FAT3: variants seen among roughly 807,000 people sequenced by gnomAD.
The protein encoded by FAT3 is protocadherin Fat 3.
Under a neutral mutation model 310.2 loss-of-function variants are expected in FAT3, and 95 were observed. The observed-to-expected ratio is 0.31, with a 90% CI of 0.26 to 0.36. The LOEUF (loss-of-function observed/expected upper bound fraction) is 0.36, where lower values mean the gene tolerates loss of function less well. FAT3 is among the 10% of genes least tolerant of loss of function. The pLI is 1.00. For missense variants in FAT3, 5,408 were observed against 5,715.6 expected, an observed-to-expected ratio of 0.95 and a Z score of 1.74; for synonymous variants, 2,314 against 2,192.9, an observed-to-expected ratio of 1.06 and a Z score of -1.54.
At chr11:92,257,741 T>C (rs1377915747) in intron 1 of FAT3, among the ~76,000 whole-genome samples, 1 of 152,164 alleles carries the variant, frequency 6.6e-6, no homozygotes, top group East Asian at 1.9e-4. Context: ...AAGTCATTAC[T>C]GACTGCTGAT....
At position 92,859,166 on chromosome 11, in the gene FAT3, G is replaced by A; in HGVS notation, c.11502G>A (p.Gly3834=). ...GTCTTCTCATAACGGTCTTTTCAGGGCACACTTCTCTCAGCTTTGCTGGAA... is the reference window on the plus strand; with the variant it reads ...GTCTTCTCATAACGGTCTTTTCAGGACACACTTCTCTCAGCTTTGCTGGAA... The part of the protein sequence containing the change: ...CPPGKLGECS[G]HTSLSFAGNS... Residue 3834 remains glycine, a splice_region_variant and synonymous_variant, in exon 21 of 28, where the codon GGG becomes GGA. Transcript: ENST00000525166. 6.2e-7 allele frequency: 1 copy of A among 1,612,872 alleles called. No individual in the cohort carries two copies. The highest frequency in any genetic ancestry group is 8.5e-7 in the Non-Finnish European group (1 of 1,179,508).
intron 1 of FAT3, among the ~76,000 whole-genome samples, chr11:92,273,711 T>C (rs1432866213): frequency 6.6e-6 from 1 of 152,052 alleles, no homozygotes; most frequent in Admixed American, 6.6e-5. Context: ...ACTATAAAGC[T>C]CTGGTCAGAA....
At chr11:92,846,238 A>G (rs1948679915) in intron 19 of FAT3, among the ~76,000 whole-genome samples, 1 of 152,210 alleles carries the variant, frequency 6.6e-6, no homozygotes, top group African/African-American at 2.4e-5. Flanking sequence ...ATACCAGCTA[A>G]TTAATCCTTG....
intron 2 of FAT3, among the ~76,000 whole-genome samples, chr11:92,442,989 G>A (rs1245513385): frequency 3.3e-5 from 5 of 152,102 alleles, no homozygotes; most frequent in African/African-American, 1.2e-4. Context: ...AATTCGACAC[G>A]ATAAGCAAAC....
intron 3 of FAT3, among the ~76,000 whole-genome samples, chr11:92,598,314 A>AATCT (rs1939829994): frequency 6.7e-6 from 1 of 148,818 alleles, no homozygotes; most frequent in Admixed American, 6.7e-5. Flanking sequence ...TCAGCCTTGT[A>AATCT]TCCTGGGCTC....
intron 4 of FAT3, among the ~76,000 whole-genome samples, chr11:92,706,946 A>G (rs1015558593): frequency 7.9e-5 from 12 of 152,210 alleles, no homozygotes; most frequent in African/African-American, 2.9e-4. Context: ...GGTGCTGTGG[A>G]TCTTTGGGGT....
chr11:92,355,343 G>A lies in FAT3; in HGVS notation c.3231G>A (p.Glu1077=). ...ATGAAGACTCCGGAAGGGATGGAGA[G>A]ATCCAGTACTCCATCAGGGATGGCA... ...ARDEDSGRDG[E]IQYSIRDGSG... is the part of the protein sequence containing the mutation. The change falls in exon 2 of 28, where the codon GAG becomes GAA. Residue 1077 remains glutamate, a synonymous_variant. Transcript: ENST00000525166. 6.2e-7 allele frequency: 1 copy of A among 1,613,814 alleles called. No homozygotes were observed. The highest frequency in any genetic ancestry group is 2.2e-5 in the East Asian group (1 of 44,872).
intron 1 of FAT3, among the ~76,000 whole-genome samples, chr11:92,281,247 G>C (rs1425978845): frequency 2.0e-5 from 3 of 152,144 alleles, no homozygotes; most frequent in Non-Finnish European, 4.4e-5. Flanking sequence ...GTGGAAGAGA[G>C]ATTGCAAAAG....
intron 3 of FAT3, among the ~76,000 whole-genome samples, chr11:92,648,396 A>G (rs527293554): frequency 6.6e-6 from 1 of 152,326 alleles, no homozygotes; most frequent in Non-Finnish European, 1.5e-5. Flanking sequence ...AGGCCCCTCC[A>G]GGACTAAGTC....
intron 4 of FAT3, among the ~76,000 whole-genome samples, chr11:92,755,550 C>A (rs1945968171): frequency 6.6e-6 from 1 of 152,004 alleles, no homozygotes; most frequent in Admixed American, 6.6e-5. Context: ...GTCTTCTCAC[C>A]ACAAAAAAAG....
At position 92,560,448 on chromosome 11, in the gene FAT3, G is replaced by GT. The variant is rs879584229; in HGVS notation, c.3607+35500_3607+35501insT. The stretch of plus-strand genomic sequence containing the variant: ...TTCATTTTAATTTTAATAAAGTCTA[G>GT]GTTTTTTTTTTATTTGTATTGCTTG... On this transcript the variant is annotated intron_variant, in intron 3 of 27. Coordinates refer to ENST00000525166, the MANE Select transcript of FAT3 (RefSeq NM_001367949.2). Among the ~76,000 whole-genome samples the GT allele has an allele frequency of 2.5e-3, 370 of 150,644 alleles. 1 individual carries two copies. Among genetic ancestry groups the GT allele is most frequent in the African/African-American group, 7.7e-3 (318 of 41,266 alleles).
intron 2 of FAT3, among the ~76,000 whole-genome samples, chr11:92,501,486 C>A (rs1026895059): frequency 6.6e-6 from 1 of 152,038 alleles, no homozygotes; most frequent in East Asian, 1.9e-4. Flanking sequence ...AATAGCAATA[C>A]AGAGTCAGAG....
intron 13 of FAT3, among the ~76,000 whole-genome samples, chr11:92,818,244 G>C (rs1947873992): frequency 6.6e-6 from 1 of 152,004 alleles, no homozygotes; most frequent in African/African-American, 2.4e-5. Flanking sequence ...TAAAACTCCA[G>C]TCTATAAGGG....
chr11:92,343,182 C>T (rs1274004758), intron 1 of FAT3, among the ~76,000 whole-genome samples: 1 of 152,086 alleles, frequency 6.6e-6, no homozygotes, highest in African/African-American at 2.4e-5. Context: ...GACTTCTTTC[C>T]TAAGAGACCA....
intron 1 of FAT3, among the ~76,000 whole-genome samples, chr11:92,229,786 AT>A (rs1166096095): frequency 6.7e-5 from 9 of 134,070 alleles, no homozygotes; most frequent in East Asian, 6.5e-4. Context: ...CAGGACTTAG[AT>A]TTTTTTTCTT....
intron 4 of FAT3, among the ~76,000 whole-genome samples, chr11:92,724,076 G>A (rs894992569): frequency 1.3e-5 from 2 of 152,222 alleles, no homozygotes; most frequent in Admixed American, 1.3e-4. Flanking sequence ...AGCTCACAGT[G>A]TTGTGGGTGG....
At chr11:92,628,625 T>C (rs1434328754) in intron 3 of FAT3, among the ~76,000 whole-genome samples, 1 of 152,230 alleles carries the variant, frequency 6.6e-6, no homozygotes, top group Non-Finnish European at 1.5e-5. Flanking sequence ...TGTGTACCTA[T>C]GTCTATTATC....
chr11:92,385,552 G>A (rs1410355622), intron 2 of FAT3, among the ~76,000 whole-genome samples: 1 of 151,900 alleles, frequency 6.6e-6, no homozygotes, highest in Non-Finnish European at 1.5e-5. Flanking sequence ...ATTTTCAGAA[G>A]AGATGGAGTT....
chr11:92,803,727 A>G (rs773560447), intron 10 of FAT3, among the ~76,000 whole-genome samples: 2 of 152,232 alleles, frequency 1.3e-5, no homozygotes, highest in Non-Finnish European at 2.9e-5. Context: ...CCTCCCACCA[A>G]TGTGACAAGC....
Sources: gnomAD v4.1 joint callset for allele counts (sites outside exome capture counted in the v4.1 genomes callset) on GRCh38, gnomAD v4.1.1 for gene constraint, MANE v1.5 for transcripts, NCBI Gene and HGNC (gene_info 2026-07-23, HGNC 2026-07-21) for gene names.